Variants in CPQ observed in about 807,000 individuals in gnomAD.
CPQ encodes carboxypeptidase Q.
In CPQ, 37 loss-of-function variants were observed where a neutral mutation model predicts 45.7. The observed-to-expected ratio is 0.81, with a 90% CI of 0.62 to 1.07. The LOEUF (loss-of-function observed/expected upper bound fraction) is 1.07. Ranked by LOEUF, CPQ falls within the 50% of genes least tolerant of loss-of-function variation. The probability of loss-of-function intolerance (pLI) is 0.00; values close to 1 mark genes in which losing one functional copy is unlikely to be tolerated. For missense variants in CPQ, 537 were observed against 572.9 expected, an observed-to-expected ratio of 0.94 and a Z score of 0.64; for synonymous variants, 186 against 205.8, an observed-to-expected ratio of 0.90 and a Z score of 0.82.
In CPQ at chr8:96,784,824, A is replaced by T. The variant is rs900644565; in HGVS notation, c.-34-40A>T. The T allele has an allele frequency of 3.5e-5, 50 of 1,436,674 alleles. No individual in the cohort carries two copies. In the Admixed American group the frequency reaches 1.0e-3, roughly 30 times the overall value. 89.0% of individuals were successfully genotyped at this position (1,436,674 alleles called of 1,614,324 possible). A position where few individuals can be genotyped will look rare whatever the true frequency, so the allele number is the denominator to read the frequency against. Reference sequence around the variant, plus strand: ...TGGGTTATGGGCAGATAGCTGTGAGATTCTTTTCCCCTAAAACATAATGTT... The same window carrying T: ...TGGGTTATGGGCAGATAGCTGTGAGTTTCTTTTCCCCTAAAACATAATGTT... On this transcript the variant is annotated intron_variant, in intron 1 of 7. Transcript: ENST00000220763.
intron 1 of CPQ, among the ~76,000 whole-genome samples, chr8:96,741,010 C>T (rs1308698218): frequency 1.3e-5 from 2 of 152,092 alleles, no homozygotes; most frequent in Non-Finnish European, 2.9e-5. Flanking sequence ...GGAAGGATTC[C>T]CTCTTTTTCT....
At chr8:97,123,174 AAATAT>A (rs1811778474) in intron 7 of CPQ, among the ~76,000 whole-genome samples, 1 of 60,140 alleles carries the variant, frequency 1.7e-5, no homozygotes, top group African/African-American at 6.2e-5. Context: ...AAATAAAATA[AAATAT>A]AAAATAAAAT....
At chr8:97,089,327 A>C (rs1363686591) in intron 7 of CPQ, among the ~76,000 whole-genome samples, 3 of 152,152 alleles carry the variant, frequency 2.0e-5, no homozygotes, top group Non-Finnish European at 4.4e-5. Context: ...CATTGCTATT[A>C]AGAAAGTTGC....
At position 96,912,978 on chromosome 8, in the gene CPQ, G is replaced by A. The variant is rs114479545; in HGVS notation, c.849+32973G>A. On this transcript the variant is annotated intron_variant, in intron 4 of 7. Coordinates refer to ENST00000220763, the MANE Select transcript of CPQ (RefSeq NM_016134.4). Reference sequence around the variant, plus strand: ...GACATTCTCACTCTGTAGAGGCCAGGACCAACTGTGTTATCCTCTTTCTCC... The same window carrying A: ...GACATTCTCACTCTGTAGAGGCCAGAACCAACTGTGTTATCCTCTTTCTCC... 5.6e-3 allele frequency among the ~76,000 whole-genome samples: 853 copies of A among 152,228 alleles called. 8 individuals are homozygous for A. Among genetic ancestry groups the A allele is most frequent in the African/African-American group, 0.018 (749 of 41,548 alleles).
At chr8:96,922,366 C>T (rs897359228) in intron 4 of CPQ, among the ~76,000 whole-genome samples, 2 of 152,124 alleles carry the variant, frequency 1.3e-5, no homozygotes, top group South Asian at 2.1e-4. Context: ...GGATGATAAA[C>T]GCTTTTTGCA....
chr8:96,647,297 G>A (rs1209846732), intron 1 of CPQ, among the ~76,000 whole-genome samples: 1 of 152,198 alleles, frequency 6.6e-6, no homozygotes, highest in African/African-American at 2.4e-5. Context: ...GTTGCTTGGT[G>A]AAAAGGGCCA....
intron 1 of CPQ, among the ~76,000 whole-genome samples, chr8:96,720,785 G>A (rs1586372718): frequency 6.6e-6 from 1 of 152,004 alleles, no homozygotes; most frequent in South Asian, 2.1e-4. Flanking sequence ...GAGGTACAAA[G>A]CATTGTAATA....
At chr8:96,986,770 C>A (rs1167397575) in intron 5 of CPQ, among the ~76,000 whole-genome samples, 4 of 152,110 alleles carry the variant, frequency 2.6e-5, no homozygotes, top group African/African-American at 9.7e-5. Context: ...ATAAATAATA[C>A]AGTTCTATTA....
At chr8:96,686,013 C>T (rs562030305) in intron 1 of CPQ, among the ~76,000 whole-genome samples, 4 of 152,106 alleles carry the variant, frequency 2.6e-5, no homozygotes, top group Admixed American at 2.0e-4. Context: ...CTCCTATTTG[C>T]GTTGTTTGTA....
intron 3 of CPQ, among the ~76,000 whole-genome samples, chr8:96,843,055 G>A (rs1031622803): frequency 1.6e-4 from 24 of 151,996 alleles, no homozygotes; most frequent in East Asian, 1.2e-3. Flanking sequence ...ACAGGCACCC[G>A]CCACCACGTC....
At chr8:97,014,775 G>C (rs1026509980) in intron 5 of CPQ, among the ~76,000 whole-genome samples, 1 of 151,680 alleles carries the variant, frequency 6.6e-6, no homozygotes, top group African/African-American at 2.4e-5. Context: ...TCCTTTAATT[G>C]AGTATAGATA....
intron 1 of CPQ, among the ~76,000 whole-genome samples, chr8:96,655,332 T>C (rs769149416): frequency 1.3e-5 from 2 of 152,146 alleles, no homozygotes; most frequent in Admixed American, 6.5e-5. Flanking sequence ...TTGATTGTGC[T>C]GCTTAATTGA....
At chr8:96,734,075 G>A (rs1301056110) in intron 1 of CPQ, among the ~76,000 whole-genome samples, 1 of 152,188 alleles carries the variant, frequency 6.6e-6, no homozygotes, top group African/African-American at 2.4e-5. Context: ...ATTAATTACA[G>A]TGCGCACAGC....
intron 3 of CPQ, among the ~76,000 whole-genome samples, chr8:96,837,387 G>A (rs1422602560): frequency 6.6e-6 from 1 of 152,132 alleles, no homozygotes; most frequent in Admixed American, 6.5e-5. Context: ...AAATTTAATG[G>A]ACATTTTTCA....
Position 96,797,952 on chromosome 8 carries a change from A to G in CPQ, c.433+12622A>G, listed in dbSNP as rs1173830763. On this transcript the variant is annotated intron_variant, in intron 2 of 7. Transcript: ENST00000220763. ...TGTAGTCCCAGCTACTCAGGAGGCT[A>G]AGGCAGGAGAATTGCTTGAACCTGG... 7.2e-5 allele frequency among the ~76,000 whole-genome samples: 11 copies of G among 151,918 alleles called. No individual in the cohort carries two copies. The East Asian group carries it at 2.0e-3, about 27-fold the overall frequency.
chr8:96,793,498 C>T lies in CPQ; in HGVS notation c.433+8168C>T, dbSNP rs1230964557. On this transcript the variant is annotated intron_variant, in intron 2 of 7. Coordinates refer to ENST00000220763, the MANE Select transcript of CPQ (RefSeq NM_016134.4). ...GCCCCCATGATTCAATTACCTCCCA[C>T]TGGGTCCTTCCCACAACATGTGGAA... Among the ~76,000 whole-genome samples, 6 of 152,182 alleles carry T rather than the reference C, an allele frequency of 3.9e-5. No homozygotes were observed. The East Asian group carries it at 7.7e-4, about 20-fold the overall frequency.
intron 2 of CPQ, among the ~76,000 whole-genome samples, chr8:96,828,071 A>C (rs1811401583): frequency 6.6e-6 from 1 of 152,032 alleles, no homozygotes; most frequent in Non-Finnish European, 1.5e-5. Context: ...GCTGGAGTAT[A>C]AAACCCCATT....
At chr8:96,965,688 T>C (rs1201333608) in intron 4 of CPQ, among the ~76,000 whole-genome samples, 1 of 152,156 alleles carries the variant, frequency 6.6e-6, no homozygotes, top group Admixed American at 6.5e-5. Flanking sequence ...TCTTTAGTAG[T>C]CAAAATTATA....
chr8:96,973,792 GAT>G (rs753390619), intron 5 of CPQ, among the ~76,000 whole-genome samples: 1 of 152,084 alleles, frequency 6.6e-6, no homozygotes, highest in Non-Finnish European at 1.5e-5. Flanking sequence ...ATGAAGGAAA[GAT>G]AGTCTTTTCC....
Sources: allele counts gnomAD v4.1 joint callset (sites outside exome capture counted in the v4.1 genomes callset), GRCh38; gene constraint gnomAD v4.1.1; transcripts MANE v1.5; gene names NCBI Gene and HGNC (gene_info 2026-07-23, HGNC 2026-07-21).